RYR3: variants seen among roughly 807,000 people sequenced by gnomAD.
RYR3 encodes brain ryanodine receptor-calcium release channel.
In RYR3, 207 loss-of-function variants were observed where a neutral mutation model predicts 584.3. The ratio of observed to expected loss-of-function variants is 0.35; its 90% confidence interval spans 0.32 to 0.40. RYR3 has a LOEUF of 0.40. Ranked by LOEUF, RYR3 falls within the 10% of genes least tolerant of loss-of-function variation. RYR3 has a pLI of 1.00. For missense variants in RYR3, 5,616 were observed against 6,089.2 expected, an observed-to-expected ratio of 0.92 and a Z score of 2.59; for synonymous variants, 2,416 against 2,248.5, an observed-to-expected ratio of 1.07 and a Z score of -2.11.
intron 74 of RYR3, among the ~76,000 whole-genome samples, chr15:33,814,546 AC>A (rs1411389995): frequency 2.0e-5 from 3 of 152,142 alleles, no homozygotes; most frequent in African/African-American, 7.2e-5. Context: ...GTAGCCTATA[AC>A]CTCGTCCTGA....
intron 20 of RYR3, among the ~76,000 whole-genome samples, chr15:33,626,995 T>TAGGCA (rs2061024156): frequency 6.6e-6 from 1 of 152,180 alleles, no homozygotes. Flanking sequence ...GAGTCCTCAC[T>TAGGCA]GGGACACTGC....
intron 1 of RYR3, among the ~76,000 whole-genome samples, chr15:33,453,970 A>C (rs1209138564): frequency 6.6e-6 from 1 of 152,174 alleles, no homozygotes; most frequent in Non-Finnish European, 1.5e-5. Context: ...GAATTGTTGA[A>C]TTCTTGCCAG....
At chr15:33,707,202 G>A (rs1464686186) in intron 43 of RYR3, 148 bp downstream of exon 43, 2 of 908,484 alleles carry the variant, frequency 2.2e-6, no homozygotes, top group Non-Finnish European at 1.7e-6. Context: ...AATCACAGGT[G>A]TTTGGTGGCT....
rs2069899829 is a variant in RYR3, at chr15:33,739,865, C to T, written c.7690C>T (p.Pro2564Ser). The change falls in exon 51 of 104, where the codon CCT becomes TCT. Residue 2564 changes from proline (P) to serine (S), a missense_variant. Physicochemically the swap from Pro to Ser is moderately conservative, Grantham distance 74. Transcript: ENST00000634891. ...CCCAGATCTTTTCCGAATGGCCCTG[C>T]CTTGTCTCAGTGCTATAGCTGGGGC... is the stretch of plus-strand genomic sequence containing the variant. ...YDPDLFRMAL[P>S]CLSAIAGALP... 6.2e-7 allele frequency: 1 copy of T among 1,613,598 alleles called. No individual in the cohort carries two copies. Among genetic ancestry groups the T allele is most frequent in the Admixed American group, 1.7e-5 (1 of 59,982 alleles).
rs117589435 is a variant in RYR3 at position 33,697,720 on chromosome 15, C to T, written c.6135-162C>T. ...GAATATTTCAGTCAGCTAAAATGGC[C>T]CTCCACATATATTCCAGCTGAACTA... On this transcript the variant is annotated intron_variant, in intron 39 of 103. Coordinates refer to ENST00000634891, the MANE Select transcript of RYR3 (RefSeq NM_001036.6). 3.9e-4 allele frequency among the ~76,000 whole-genome samples: 60 copies of T among 152,154 alleles called. No individual in the cohort carries two copies. In the East Asian group the frequency reaches 4.1e-3, roughly 10 times the overall value.
chr15:33,664,319 C>A (rs1366265132), intron 36 of RYR3, among the ~76,000 whole-genome samples: 1 of 151,940 alleles, frequency 6.6e-6, no homozygotes, highest in Non-Finnish European at 1.5e-5. Flanking sequence ...TTGGGGTTAG[C>A]CTTACCCCGA....
chr15:33,543,364 ACAC>A (rs2055983571), intron 7 of RYR3, among the ~76,000 whole-genome samples: 1 of 152,128 alleles, frequency 6.6e-6, no homozygotes, highest in Admixed American at 6.6e-5. Flanking sequence ...ATCAATTGGC[ACAC>A]TATTTTCACC....
chr15:33,476,011 T>C (rs111240249), intron 2 of RYR3, among the ~76,000 whole-genome samples: 2,131 of 152,274 alleles, frequency 0.014, 33 homozygotes, highest in Admixed American at 0.029. Flanking sequence ...ACTTAACAGC[T>C]AGAGTTGATA....
intron 60 of RYR3, 125 bp downstream of exon 60, chr15:33,757,721 C>T (rs1173544443): frequency 1.9e-6 from 2 of 1,078,714 alleles, no homozygotes; most frequent in Admixed American, 2.5e-5. Context: ...GGTTTGTCAT[C>T]TGAGTTTCGA....
At position 33,726,416 on chromosome 15, in the gene RYR3, C is replaced by T. The variant is rs2152814919; in HGVS notation, c.6943C>T (p.Arg2315Cys). Residue 2315 changes from arginine to cysteine, a missense_variant, in exon 46 of 104, where the codon CGC becomes TGC. Transcript: ENST00000634891. ...LIQTGKGEAI[R>C]IRSILRSLVP... is the part of the protein sequence containing the mutation. ...CCAGACAGGAAAGGGGGAAGCCATC[C>T]GCATCAGGTCCATCCTGCGCTCCCT... 2.5e-6 allele frequency: 4 copies of T among 1,612,856 alleles called. No individual in the cohort carries two copies. The highest frequency in any genetic ancestry group is 2.2e-5 in the East Asian group (1 of 44,846).
At chr15:33,385,694 TTTTTCTTTTTCTTTTC>T (rs1177455749) in intron 1 of RYR3, among the ~76,000 whole-genome samples, 3 of 91,372 alleles carry the variant, frequency 3.3e-5, no homozygotes, top group East Asian at 2.5e-4. Context: ...CTTTTCTTTT[TTTTTCTTTTTCTTTTC>T]TTTTTTTTTT....
At chr15:33,813,867 G>A (rs1164281052) in intron 74 of RYR3, 1 of 251,216 alleles carries the variant, frequency 4.0e-6, no homozygotes, top group Non-Finnish European at 7.6e-6. Flanking sequence ...GCTGAGGTGG[G>A]ATTCTTGGTT....
At chr15:33,316,269 T>C (rs1968158062) in intron 1 of RYR3, among the ~76,000 whole-genome samples, 1 of 152,226 alleles carries the variant, frequency 6.6e-6, no homozygotes, top group Non-Finnish European at 1.5e-5. Flanking sequence ...TAGAAAGGAA[T>C]CTTTATTTTA....
intron 13 of RYR3, among the ~76,000 whole-genome samples, chr15:33,580,717 G>C (rs2058545679): frequency 6.6e-6 from 1 of 152,180 alleles, no homozygotes; most frequent in Non-Finnish European, 1.5e-5. Context: ...ACTCGGAGAT[G>C]TGATGATTTA....
intron 3 of RYR3, among the ~76,000 whole-genome samples, chr15:33,505,771 T>C (rs1010684087): frequency 4.6e-5 from 7 of 152,162 alleles, no homozygotes; most frequent in Non-Finnish European, 5.9e-5. Context: ...GGATTACAAG[T>C]GTGAGCCACC....
At chr15:33,609,291 G>C (rs937018237) in intron 18 of RYR3, among the ~76,000 whole-genome samples, 8 of 152,242 alleles carry the variant, frequency 5.3e-5, no homozygotes, top group African/African-American at 1.9e-4. Context: ...CAAGTAGGCT[G>C]GGTGTGGTAG....
chr15:33,488,979 A>T (rs1220695614), intron 2 of RYR3, among the ~76,000 whole-genome samples: 2 of 152,136 alleles, frequency 1.3e-5, no homozygotes, highest in Non-Finnish European at 2.9e-5. Context: ...TTGTATTTTG[A>T]AGTTATGTGC....
At chr15:33,586,373 CTG>C (rs1479608820) in intron 16 of RYR3, among the ~76,000 whole-genome samples, 1 of 152,208 alleles carries the variant, frequency 6.6e-6, no homozygotes, top group Non-Finnish European at 1.5e-5. Flanking sequence ...CACCAGCTCA[CTG>C]TGGGACACTC....
chr15:33,792,916 C>T (rs2075247726), intron 67 of RYR3, among the ~76,000 whole-genome samples: 1 of 152,162 alleles, frequency 6.6e-6, no homozygotes. Context: ...CTGACAGTAA[C>T]TACGCAGAGT....
Sources: gnomAD v4.1 joint callset for allele counts (sites outside exome capture counted in the v4.1 genomes callset) on GRCh38, gnomAD v4.1.1 for gene constraint, MANE v1.5 for transcripts, NCBI Gene and HGNC (gene_info 2026-07-23, HGNC 2026-07-21) for gene names.